NEXMIF: variants seen among roughly 807,000 people sequenced by gnomAD.
NEXMIF encodes the protein XLMR protein related to neurite extension.
Under a neutral mutation model 62.1 loss-of-function variants are expected in NEXMIF, and 8 were observed. The ratio of observed to expected loss-of-function variants is 0.13; its 90% CI spans 0.08 to 0.23. The LOEUF is 0.23. NEXMIF is among the 10% of genes least tolerant of loss of function. The probability of loss-of-function intolerance (pLI) is 1.00; values close to 1 mark genes in which losing one functional copy is unlikely to be tolerated. For missense variants in NEXMIF, 976 were observed against 1,113.3 expected, an observed-to-expected ratio of 0.88 and a Z score of 1.75; for synonymous variants, 404 against 416.6, an observed-to-expected ratio of 0.97 and a Z score of 0.37.
At chrX:74,828,337 C>G (rs2080425049) in intron 1 of NEXMIF, among the ~76,000 whole-genome samples, 1 of 112,001 alleles carries the variant, frequency 8.9e-6, no homozygotes, top group South Asian at 3.7e-4. Context: ...TAGGAATACA[C>G]ACTACATAAA....
At chrX:74,779,417 T>C (rs1296373021) in intron 1 of NEXMIF, among the ~76,000 whole-genome samples, 1 of 112,093 alleles carries the variant, frequency 8.9e-6, no homozygotes, top group Non-Finnish European at 1.9e-5. Context: ...TTTAACACAC[T>C]ACTTTTTCAG....
rs1288427099 is a variant in NEXMIF, at chrX:74,738,674, C to A, written c.*731G>T. ...GTAAAACGTTCTGTAAATGCATATA[C>A]TTGGGTCCCTGATGGACTTAGCTGT... On this transcript the variant is annotated 3_prime_UTR_variant, in exon 4 of 4. Coordinates refer to ENST00000055682, the MANE Select transcript of NEXMIF (RefSeq NM_001008537.3). 2 of 111,006 alleles carry A rather than the reference C, an allele frequency of 1.8e-5. No homozygotes were observed. The highest frequency in any genetic ancestry group is 5.7e-4 in the East Asian group (2 of 3,522). The allele number at this position is 111,006 out of a possible 1,213,427, so 9.1% of individuals were successfully genotyped here.
Position 74,903,325 on chromosome X carries a change from T to TACACACACACACACAC in NEXMIF, c.-48+21542_-48+21557dup, listed in dbSNP as rs397897060. Among the ~76,000 whole-genome samples the TACACACACACACACAC allele has an allele frequency of 1.9e-3, 96 of 51,250 alleles. 10 individuals carry two copies. The East Asian group carries it at 0.032, about 17-fold the overall frequency. The allele number at this position is 51,250 out of a possible 115,157, so 44.5% of individuals were successfully genotyped here. On this transcript the variant is annotated intron_variant, in intron 1 of 3. Coordinates refer to ENST00000055682, the MANE Select transcript of NEXMIF (RefSeq NM_001008537.3). ...TGGAGTCCTCACTGATTCTCAGGCA[T>TACACACACACACACAC]ACACACACACACACACACACACACA...
At chrX:74,749,528 A>T (rs2080135580) in intron 1 of NEXMIF, among the ~76,000 whole-genome samples, 1 of 110,202 alleles carries the variant, frequency 9.1e-6, no homozygotes, top group Non-Finnish European at 1.9e-5. Context: ...CACTCCCTTA[A>T]TATTAAACCA....
chrX:74,887,937 A>G (rs778377215), intron 1 of NEXMIF, among the ~76,000 whole-genome samples: 1 of 112,556 alleles, frequency 8.9e-6, no homozygotes, highest in East Asian at 2.8e-4. Flanking sequence ...AAAATGTGGC[A>G]CATATACACC....
At chrX:74,804,560 C>T (rs2080339307) in intron 1 of NEXMIF, among the ~76,000 whole-genome samples, 1 of 112,004 alleles carries the variant, frequency 8.9e-6, no homozygotes, top group Non-Finnish European at 1.9e-5. Context: ...TTCAAAATGT[C>T]ATCCAGGTGC....
At chrX:74,754,156 T>G (rs758829127) in intron 1 of NEXMIF, among the ~76,000 whole-genome samples, 10 of 110,161 alleles carry the variant, frequency 9.1e-5, no homozygotes, top group African/African-American at 3.3e-4. Flanking sequence ...GAGATGGGGT[T>G]TCACCATGTT....
chrX:74,879,880 A>T (rs1450925326), intron 1 of NEXMIF, among the ~76,000 whole-genome samples: 5 of 112,195 alleles, frequency 4.5e-5, no homozygotes, highest in African/African-American at 9.7e-5. Context: ...AATATTTTAA[A>T]ATCACCTAAC....
chrX:74,787,161 T>C (rs958597657), intron 1 of NEXMIF, among the ~76,000 whole-genome samples: 2 of 105,981 alleles, frequency 1.9e-5, no homozygotes, highest in Non-Finnish European at 3.9e-5. Flanking sequence ...TGGGTGCCTG[T>C]AGTCCCAGCT....
At chrX:74,779,640 T>A (rs759468142) in intron 1 of NEXMIF, among the ~76,000 whole-genome samples, 47 of 112,091 alleles carry the variant, frequency 4.2e-4, no homozygotes, top group Admixed American at 3.8e-3. Context: ...CCTGCCTTCT[T>A]CCTCTGTCTT....
chrX:74,828,865 C>T (rs764099039), intron 1 of NEXMIF, among the ~76,000 whole-genome samples: 1 of 111,895 alleles, frequency 8.9e-6, no homozygotes, highest in South Asian at 3.7e-4. Flanking sequence ...GCTACGGAAT[C>T]AGCAGTCAAC....
Position 74,743,371 on chromosome X carries a change from C to T in NEXMIF, c.1186G>A (p.Glu396Lys). Residue 396 changes from glutamate to lysine, a missense_variant, in exon 3 of 4, where the codon GAG becomes AAG. This residue lies in a region of NEXMIF where 639 missense variants were observed against 694.5 expected (regional missense o/e 0.92). Transcript: ENST00000055682. ...KEEGQEDKGVEKKDGKDNGEK... is the reference protein window; with the variant it reads ...KEEGQEDKGVKKKDGKDNGEK... ...CCATTATCCTTTCCATCTTTCTTCT[C>T]TACACCTTTGTCTTCCTGTCCTTCC... 8.3e-7 allele frequency: 1 copy of T among 1,211,577 alleles called. No individual in the cohort carries two copies. Among genetic ancestry groups the T allele is most frequent in the East Asian group, 3.0e-5 (1 of 33,831 alleles).
At chrX:74,872,976 T>G (rs1391430741) in intron 1 of NEXMIF, among the ~76,000 whole-genome samples, 1 of 110,132 alleles carries the variant, frequency 9.1e-6, no homozygotes, top group Admixed American at 9.8e-5. Context: ...TTGTTTTGGT[T>G]TTTTTTTAAT....
At chrX:74,796,302 A>ACATATATATTATATATAT in intron 1 of NEXMIF, among the ~76,000 whole-genome samples, 1 of 15,372 alleles carries the variant, frequency 6.5e-5, no homozygotes, top group Non-Finnish European at 2.1e-4. Context: ...TTATATATAT[A>ACATATATATTATATATAT]TACACACACA....
chrX:74,839,140 G>C (rs1268440045), intron 1 of NEXMIF, among the ~76,000 whole-genome samples: 1 of 111,907 alleles, frequency 8.9e-6, no homozygotes, highest in Non-Finnish European at 1.9e-5. Flanking sequence ...ACTTAGAACA[G>C]TTAATACATT....
chrX:74,907,570 C>T (rs2080773588), intron 1 of NEXMIF, among the ~76,000 whole-genome samples: 1 of 110,817 alleles, frequency 9.0e-6, no homozygotes, highest in Admixed American at 9.6e-5. Flanking sequence ...GACCAAGCCT[C>T]CATTTCACAA....
chrX:74,758,769 T>C (rs1418837464), intron 1 of NEXMIF, among the ~76,000 whole-genome samples: 1 of 112,303 alleles, frequency 8.9e-6, no homozygotes, highest in Admixed American at 9.5e-5. Flanking sequence ...TTCCATGGTG[T>C]ATATGTACCA....
intron 1 of NEXMIF, among the ~76,000 whole-genome samples, chrX:74,877,535 C>A (rs181951589): frequency 1.5e-3 from 165 of 111,236 alleles, no homozygotes; most frequent in African/African-American, 5.2e-3. Flanking sequence ...TGAACGTTGG[C>A]CTGCCTTGCT....
chrX:74,804,147 A>G (rs2080338349), intron 1 of NEXMIF, among the ~76,000 whole-genome samples: 1 of 112,584 alleles, frequency 8.9e-6, no homozygotes, highest in Non-Finnish European at 1.9e-5. Flanking sequence ...ACAAAAAGTT[A>G]AAAACTCGGG....
Sources: gnomAD v4.1 joint callset for allele counts (sites outside exome capture counted in the v4.1 genomes callset) on GRCh38, gnomAD v4.1.1 for gene constraint, gnomAD v4.1.1 regional missense constraint, MANE v1.5 for transcripts, NCBI Gene and HGNC (gene_info 2026-07-23, HGNC 2026-07-21) for gene names.